The following GALNTL6 variants were observed in gnomAD, a reference collection of about 807,000 sequenced individuals.
The protein encoded by GALNTL6 is polypeptide N-acetylgalactosaminyltransferase like 6, also known as polypeptide N-acetylgalactosaminyltransferase-like 6.
Under a neutral mutation model 73.7 loss-of-function variants are expected in GALNTL6, and 46 were observed. That is an observed-to-expected ratio of 0.62 (90% confidence interval 0.49 to 0.80). The LOEUF (loss-of-function observed/expected upper bound fraction) is 0.80, where lower values mean the gene tolerates loss of function less well. Ranked by LOEUF, GALNTL6 falls within the 30% of genes least tolerant of loss-of-function variation. The probability of loss-of-function intolerance (pLI) is 0.00; values close to 1 mark genes in which losing one functional copy is unlikely to be tolerated. For synonymous variants in GALNTL6, 259 were observed against 263.7 expected (o/e 0.98, Z 0.17); for missense variants, 604 against 755.0 (o/e 0.80, Z 2.34).
chr4:172,462,410 A>T (rs759475177), intron 5 of GALNTL6, among the ~76,000 whole-genome samples: 4 of 152,128 alleles, frequency 2.6e-5, no homozygotes, highest in Non-Finnish European at 5.9e-5. Flanking sequence ...TAGAGACAGG[A>T]TGTTATGCAT....
intron 2 of GALNTL6, among the ~76,000 whole-genome samples, chr4:171,964,285 C>A (rs1579012372): frequency 2.0e-5 from 3 of 151,978 alleles, no homozygotes; most frequent in Admixed American, 2.0e-4. Context: ...AAATCTCAGA[C>A]TCCTAGTGGT....
Position 172,397,655 on chromosome 4 carries a change from G to A in GALNTL6, c.553+48966G>A, listed in dbSNP as rs1743897591. Reference sequence around the variant, plus strand: ...TGCAGTGGTGCGGTCTCTGCTCACCGCAACCTTTGCCTCCCAGATTCAAGC... The same window carrying A: ...TGCAGTGGTGCGGTCTCTGCTCACCACAACCTTTGCCTCCCAGATTCAAGC... On this transcript the variant is annotated intron_variant, in intron 5 of 12. Transcript: ENST00000506823. Among the ~76,000 whole-genome samples, 4 of 151,770 alleles carry A rather than the reference G, an allele frequency of 2.6e-5. No homozygotes were observed. The Middle Eastern group carries it at 0.014, about 516-fold the overall frequency.
At position 172,245,062 on chromosome 4, in the gene GALNTL6, T is replaced by C. The variant is rs554493563; in HGVS notation, c.247+15298T>C. Among the ~76,000 whole-genome samples the C allele has an allele frequency of 1.7e-4, 26 of 152,246 alleles. 1 individual carries two copies. The South Asian group carries it at 5.4e-3, about 32-fold the overall frequency. On this transcript the variant is annotated intron_variant, in intron 3 of 12. Coordinates refer to ENST00000506823, the MANE Select transcript of GALNTL6 (RefSeq NM_001034845.3). ...CTGGCAAGAATCAAGACGAAAAAGATCAGAAGCATCTAGTAGAGCAAGGGA... is the reference window on the plus strand; with the variant it reads ...CTGGCAAGAATCAAGACGAAAAAGACCAGAAGCATCTAGTAGAGCAAGGGA...
At chr4:171,827,016 A>G (rs981057430) in intron 2 of GALNTL6, among the ~76,000 whole-genome samples, 7 of 152,176 alleles carry the variant, frequency 4.6e-5, no homozygotes, top group African/African-American at 1.7e-4. Context: ...ACTATTAAGT[A>G]TAGAGTTTAT....
At chr4:172,138,487 ATATATATATATATATATATATATATATT>A (rs2111032417) in intron 2 of GALNTL6, among the ~76,000 whole-genome samples, 1 of 3,446 alleles carries the variant, frequency 2.9e-4, no homozygotes, top group South Asian at 6.5e-3. Context: ...CTATATATAT[ATATATATATATATATATATATATATATT>A]TTTTTTTTTT....
At chr4:172,796,134 C>T (rs1427272040) in intron 5 of GALNTL6, among the ~76,000 whole-genome samples, 1 of 151,328 alleles carries the variant, frequency 6.6e-6, no homozygotes, top group Non-Finnish European at 1.5e-5. Flanking sequence ...TTTTCCAGGT[C>T]TTCTATAATA....
chr4:172,418,070 C>G (rs1371858183), intron 5 of GALNTL6, among the ~76,000 whole-genome samples: 1 of 152,164 alleles, frequency 6.6e-6, no homozygotes, highest in Non-Finnish European at 1.5e-5. Context: ...AATTGTCTTA[C>G]TCTTTACCTA....
At position 172,952,139 on chromosome 4, in the gene GALNTL6, CAGA is replaced by C; in HGVS notation, c.1255_1257del (p.Lys419del). The C allele has an allele frequency of 1.2e-6, 2 of 1,614,066 alleles. No individual in the cohort carries two copies. Among genetic ancestry groups the C allele is most frequent in the Non-Finnish European group, 1.7e-6 (2 of 1,179,986 alleles). On this transcript the variant is annotated inframe_deletion, in exon 10 of 13. Coordinates refer to ENST00000506823, the MANE Select transcript of GALNTL6 (RefSeq NM_001034845.3). ...TCTCTCCACGGGGGACATCTCTGCC[CAGA>C]AGGAGCTGCGCAAGCAGCTCAAGTG...
chr4:171,896,738 G>A (rs1241230919), intron 2 of GALNTL6, among the ~76,000 whole-genome samples: 1 of 152,020 alleles, frequency 6.6e-6, no homozygotes, highest in Admixed American at 6.6e-5. Context: ...CATGACCTGG[G>A]GATTAAGATT....
In GALNTL6 at chr4:172,403,246, G is replaced by T. The variant is rs528150814; in HGVS notation, c.553+54557G>T. ...AAAGTGCATCAGAAAACTATAGAAT[G>T]GGATCTTTTTGTCCCAGCTCAATAT... On this transcript the variant is annotated intron_variant, in intron 5 of 12. Coordinates refer to ENST00000506823, the MANE Select transcript of GALNTL6 (RefSeq NM_001034845.3). 4.5e-4 allele frequency among the ~76,000 whole-genome samples: 68 copies of T among 151,962 alleles called. 2 individuals are homozygous for T. In the South Asian group the frequency reaches 0.014, roughly 31 times the overall value.
At chr4:172,522,407 A>G (rs1041952246) in intron 5 of GALNTL6, among the ~76,000 whole-genome samples, 2 of 152,170 alleles carry the variant, frequency 1.3e-5, no homozygotes, top group Non-Finnish European at 2.9e-5. Context: ...CTTGTGGCTT[A>G]CACGTGTAAT....
Position 173,012,929 on chromosome 4 carries a change from G to A in GALNTL6, c.1488+3635G>A, listed in dbSNP as rs181303587. On this transcript the variant is annotated intron_variant, in intron 11 of 12. Coordinates refer to ENST00000506823, the MANE Select transcript of GALNTL6 (RefSeq NM_001034845.3). The stretch of plus-strand genomic sequence containing the variant: ...GAGGCGGGTGGCTCACTTGAGGTCA[G>A]GAGTTCGAGACCAGCCTGGCTAACA... 6.5e-4 allele frequency among the ~76,000 whole-genome samples: 99 copies of A among 152,302 alleles called. No homozygotes were observed. The East Asian group carries it at 0.014, about 22-fold the overall frequency.
chr4:172,142,427 T>C (rs989936020), intron 2 of GALNTL6, among the ~76,000 whole-genome samples: 6 of 152,080 alleles, frequency 3.9e-5, no homozygotes, highest in African/African-American at 1.2e-4. Flanking sequence ...GCAATCAGCA[T>C]GTTACAGCCA....
intron 2 of GALNTL6, among the ~76,000 whole-genome samples, chr4:172,134,608 C>T (rs1733589062): frequency 6.6e-6 from 1 of 152,164 alleles, no homozygotes; most frequent in African/African-American, 2.4e-5. Context: ...TTTGGACATG[C>T]TGCAGATGAA....
chr4:172,956,316 A>G (rs776360781), intron 10 of GALNTL6, among the ~76,000 whole-genome samples: 5 of 152,162 alleles, frequency 3.3e-5, no homozygotes, highest in Non-Finnish European at 5.9e-5. Context: ...GATGGCCTGG[A>G]TATGGTTTTG....
intron 10 of GALNTL6, among the ~76,000 whole-genome samples, chr4:172,993,100 C>T (rs905660530): frequency 1.3e-5 from 2 of 152,062 alleles, no homozygotes; most frequent in African/African-American, 4.8e-5. Context: ...AATTGTGTCC[C>T]CCCAAAAATT....
At chr4:172,481,883 C>T (rs1733495023) in intron 5 of GALNTL6, among the ~76,000 whole-genome samples, 1 of 152,234 alleles carries the variant, frequency 6.6e-6, no homozygotes, top group Non-Finnish European at 1.5e-5. Context: ...AACACAGTAC[C>T]TGCACTCCTC....
chr4:172,626,577 G>A (rs1167946695), intron 5 of GALNTL6, among the ~76,000 whole-genome samples: 1 of 152,036 alleles, frequency 6.6e-6, no homozygotes, highest in African/African-American at 2.4e-5. Flanking sequence ...TAGGAATGGT[G>A]TTGAATATGT....
chr4:172,914,570 G>T (rs1399297415), intron 8 of GALNTL6, among the ~76,000 whole-genome samples: 2 of 151,440 alleles, frequency 1.3e-5, no homozygotes, highest in Admixed American at 1.3e-4. Flanking sequence ...CAAGCAAATG[G>T]AAAACAAAAA....
Sources: gnomAD v4.1 joint callset for allele counts (sites outside exome capture counted in the v4.1 genomes callset) on GRCh38, gnomAD v4.1.1 for gene constraint, MANE v1.5 for transcripts, NCBI Gene and HGNC (gene_info 2026-07-23, HGNC 2026-07-21) for gene names.